The following COL24A1 variants were observed in gnomAD, a reference collection of about 807,000 sequenced individuals.
The protein encoded by COL24A1 is collagen alpha-1(XXIV) chain.
A neutral mutation model predicts 253.9 loss-of-function variants in COL24A1; 224 were observed. The observed-to-expected ratio is 0.88, with a 90% CI of 0.79 to 0.99. The LOEUF (loss-of-function observed/expected upper bound fraction) is 0.99. Ranked by LOEUF, COL24A1 falls within the 50% of genes least tolerant of loss-of-function variation. The pLI is 0.00. For synonymous variants in COL24A1, 685 were observed against 673.7 expected (o/e 1.02, Z -0.26); for missense variants, 2,131 against 2,068.5 (o/e 1.03, Z -0.59).
At chr1:86,063,024 C>A (rs1055357535) in intron 8 of COL24A1, among the ~76,000 whole-genome samples, 1 of 152,032 alleles carries the variant, frequency 6.6e-6, no homozygotes, top group African/African-American at 2.4e-5. Flanking sequence ...TAATATCTTA[C>A]CCTTTTCACT....
intron 43 of COL24A1, among the ~76,000 whole-genome samples, chr1:85,827,062 T>C (rs1041986030): frequency 1.3e-5 from 2 of 151,902 alleles, no homozygotes; most frequent in African/African-American, 4.8e-5. Flanking sequence ...GGCTGTGGGT[T>C]TGTCATAGAT....
chr1:86,070,951 T>C (rs1472098002), intron 7 of COL24A1, among the ~76,000 whole-genome samples: 1 of 152,176 alleles, frequency 6.6e-6, no homozygotes, highest in African/African-American at 2.4e-5. Context: ...AATATAGCAC[T>C]GTAATGGTGG....
Position 86,029,161 on chromosome 1 carries a change from A to AG in COL24A1, c.2049+2716_2049+2717insC, listed in dbSNP as rs56089694. Among the ~76,000 whole-genome samples the AG allele has an allele frequency of 1.8e-3, 267 of 151,776 alleles. 1 individual carries two copies. The highest frequency in any genetic ancestry group is 6.1e-3 in the African/African-American group (254 of 41,364). ...TTCTAAGTTCTCAGGAAAAAAAAAAACATCACACAGAGTTTCTCAGAAAGG... is the reference window on the plus strand; with the variant it reads ...TTCTAAGTTCTCAGGAAAAAAAAAAAGCATCACACAGAGTTTCTCAGAAAGG... On this transcript the variant is annotated intron_variant, in intron 14 of 59. Coordinates refer to ENST00000370571, the MANE Select transcript of COL24A1 (RefSeq NM_152890.7).
In COL24A1 at chr1:85,907,181, T is replaced by G; in HGVS notation, c.2778+13A>C. On this transcript the variant is annotated intron_variant, in intron 28 of 59. Transcript: ENST00000370571. ...TGGGGGGGTTAATGTACTTTTTTCC[T>G]TAGATTACTTACTCTTTGTCCTTTA... 6.2e-7 allele frequency: 1 copy of G among 1,608,176 alleles called. No homozygotes were observed. The highest frequency in any genetic ancestry group is 1.1e-5 in the South Asian group (1 of 90,816).
At chr1:86,134,262 G>A (rs9662737) in intron 2 of COL24A1, among the ~76,000 whole-genome samples, 143,219 of 148,814 alleles carry the variant, frequency 0.96, 69,092 homozygotes, top group Non-Finnish European at 1. Flanking sequence ...TGGTCTTGCT[G>A]GCGGTTTATC....
intron 2 of COL24A1, among the ~76,000 whole-genome samples, chr1:86,136,804 C>T (rs1394078539): frequency 6.6e-6 from 1 of 152,106 alleles, no homozygotes; most frequent in Non-Finnish European, 1.5e-5. Flanking sequence ...GTGGGGAATA[C>T]TCTCTAGATA....
chr1:85,874,681 T>C lies in COL24A1; in HGVS notation c.3106A>G (p.Ser1036Gly), dbSNP rs749996474. ...CCTGGTTCCCCAGTTCCTCCAACAC[T>C]GCCAGCAGTTCCAACATCTCCCTGA... ...GAKGDVGTAG[S>G]VGGTGEPGLR... Residue 1036 changes from serine (S) to glycine (G), a missense_variant, in exon 35 of 60, where the codon AGT becomes GGT. Ser to Gly is a moderately conservative substitution (Grantham distance 56). Transcript: ENST00000370571. 1.2e-6 allele frequency: 2 copies of C among 1,612,502 alleles called. No individual in the cohort carries two copies. Among genetic ancestry groups the C allele is most frequent in the Non-Finnish European group, 1.7e-6 (2 of 1,179,964 alleles).
At chr1:86,150,465 A>G (rs1204296538) in intron 1 of COL24A1, among the ~76,000 whole-genome samples, 1 of 152,242 alleles carries the variant, frequency 6.6e-6, no homozygotes, top group Non-Finnish European at 1.5e-5. Context: ...AACACTTGGA[A>G]AAAATAAAAT....
chr1:85,932,225 C>A (rs1687805577), intron 24 of COL24A1, among the ~76,000 whole-genome samples: 1 of 78,602 alleles, frequency 1.3e-5, no homozygotes, highest in African/African-American at 4.9e-5. Context: ...ACAATGAACT[C>A]AAACAAATTT....
At chr1:85,913,339 T>C (rs971862835) in intron 24 of COL24A1, among the ~76,000 whole-genome samples, 14 of 152,206 alleles carry the variant, frequency 9.2e-5, no homozygotes, top group African/African-American at 3.1e-4. Context: ...TCCAGAAGGC[T>C]ATATATGCTC....
intron 28 of COL24A1, among the ~76,000 whole-genome samples, chr1:85,900,373 C>A (rs1684158888): frequency 6.6e-6 from 1 of 152,120 alleles, no homozygotes; most frequent in Non-Finnish European, 1.5e-5. Context: ...AGTATGGTGG[C>A]TCATACCTGT....
At chr1:85,797,207 CAAAAAAAAAAA>C (rs1181001829) in intron 47 of COL24A1, among the ~76,000 whole-genome samples, 2 of 66,176 alleles carry the variant, frequency 3.0e-5, no homozygotes, top group Admixed American at 1.8e-4. Flanking sequence ...GACTCCGTCT[CAAAAAAAAAAA>C]AAAAAAAAAA....
chr1:85,869,767 T>C (rs915200034), intron 35 of COL24A1, among the ~76,000 whole-genome samples: 1 of 152,062 alleles, frequency 6.6e-6, no homozygotes, highest in African/African-American at 2.4e-5. Flanking sequence ...AGACCATCGA[T>C]GCTAGGAAGA....
intron 19 of COL24A1, among the ~76,000 whole-genome samples, chr1:85,999,197 C>A (rs1016682914): frequency 4.6e-5 from 7 of 152,154 alleles, no homozygotes; most frequent in Non-Finnish European, 7.4e-5. Context: ...TGGTCCTCCA[C>A]TTTATTGCCT....
At chr1:86,044,920 A>G (rs1699784016) in intron 12 of COL24A1, among the ~76,000 whole-genome samples, 4 of 152,220 alleles carry the variant, frequency 2.6e-5, no homozygotes, top group Admixed American at 1.3e-4. Context: ...TTGCTCATCA[A>G]TGTCTAAAAT....
chr1:85,841,168 T>C, intron 42 of COL24A1, 54 bp downstream of exon 42: 1 of 1,214,894 alleles, frequency 8.2e-7, no homozygotes, highest in Non-Finnish European at 1.2e-6. Flanking sequence ...GTGAATCTAT[T>C]ATATAATTGT....
chr1:86,113,837 CAAAAAAA>C (rs36014881), intron 4 of COL24A1, among the ~76,000 whole-genome samples: 8 of 72,434 alleles, frequency 1.1e-4, no homozygotes, highest in African/African-American at 4.4e-4. Context: ...TCCTGTCTCA[CAAAAAAA>C]AAAAAAAAAA....
At position 86,022,622 on chromosome 1, in the gene COL24A1, T is replaced by C. The variant is rs374156945; in HGVS notation, c.2149-31A>G. 29 of 1,595,018 alleles carry C rather than the reference T, an allele frequency of 1.8e-5. No homozygotes were observed. In the African/African-American group the frequency reaches 3.6e-4, roughly 20 times the overall value. ...AAGCACAATTTCATGCAAAGATACTTATGTATCACAAACATGGCAATATTA... is the reference window on the plus strand; with the variant it reads ...AAGCACAATTTCATGCAAAGATACTCATGTATCACAAACATGGCAATATTA... On this transcript the variant is annotated intron_variant, in intron 16 of 59. Transcript: ENST00000370571.
intron 24 of COL24A1, among the ~76,000 whole-genome samples, chr1:85,917,251 CT>C (rs562163196): frequency 1.3e-5 from 2 of 152,164 alleles, no homozygotes; most frequent in Admixed American, 6.5e-5. Context: ...TAATTTCTTA[CT>C]GGCAGAAGAC....
Sources: gnomAD v4.1 joint callset for allele counts (sites outside exome capture counted in the v4.1 genomes callset) on GRCh38, gnomAD v4.1.1 for gene constraint, MANE v1.5 for transcripts, NCBI Gene and HGNC (gene_info 2026-07-23, HGNC 2026-07-21) for gene names.